F8: variants seen among roughly 807,000 people sequenced by gnomAD.
The protein encoded by F8 is antihemophilic factor.
Under a neutral mutation model 140.6 loss-of-function variants are expected in F8, and 12 were observed. That is an observed-to-expected ratio of 0.09 (90% confidence interval 0.05 to 0.14). F8 has a LOEUF of 0.14. F8 is among the 10% of genes least tolerant of loss of function. F8 has a pLI of 1.00. For synonymous variants in F8, 585 were observed against 614.6 expected (o/e 0.95, Z 0.71); for missense variants, 1,354 against 1,720.7 (o/e 0.79, Z 3.77).
At position 154,929,418 on chromosome X, in the gene F8, T is replaced by C; in HGVS notation, c.4372A>G (p.Lys1458Glu). 1 of 1,211,605 alleles carries C rather than the reference T, an allele frequency of 8.3e-7. No individual in the cohort carries two copies. The highest frequency in any genetic ancestry group is 1.1e-6 in the Non-Finnish European group (1 of 895,313). ...QESSHFLQGA[K>E]KNNLSLAILT... is the part of the protein sequence containing the mutation. The stretch of plus-strand genomic sequence containing the variant: ...ATGGCTAAAGAAAGGTTATTTTTTT[T>C]GGCTCCTTGTAAGAAATGACTGCTT... Residue 1458 changes from lysine to glutamate, a missense_variant, in exon 14 of 26, where the codon AAA becomes GAA. By Grantham distance (56) the Lys-to-Glu change is moderately conservative. This residue lies in a region of F8 where 658 missense variants were observed against 666.5 expected (regional missense o/e 0.99). Coordinates refer to ENST00000360256, the MANE Select transcript of F8 (RefSeq NM_000132.4).
chrX:154,912,544 T>C (rs1423104326), intron 14 of F8, among the ~76,000 whole-genome samples: 2 of 112,425 alleles, frequency 1.8e-5, no homozygotes, highest in African/African-American at 6.5e-5. Context: ...TTCTCTGTTG[T>C]GTTCCACTGG....
At chrX:154,960,968 G>A (rs1328590606) in intron 10 of F8, 107 bp downstream of exon 10, 13 of 549,359 alleles carry the variant, frequency 2.4e-5, no homozygotes, top group Admixed American at 2.4e-4. Flanking sequence ...CTTGAGGTCC[G>A]GCCAACAGCT....
intron 22 of F8, among the ~76,000 whole-genome samples, chrX:154,869,576 G>A (rs1353127345): frequency 9.0e-6 from 1 of 111,592 alleles, no homozygotes; most frequent in Non-Finnish European, 1.9e-5. Flanking sequence ...AGCACTAAAT[G>A]CCCACAAGAG....
chrX:154,982,467 AT>A lies in F8; in HGVS notation c.787+2219del, dbSNP rs1557283825. ...TCTCAAAAAAAAAAAAAAAAAAAAT[AT>A]ATATATATATGTATACACACTTATA... On this transcript the variant is annotated intron_variant, in intron 6 of 25. Transcript: ENST00000360256. Among the ~76,000 whole-genome samples, 182 of 101,593 alleles carry A rather than the reference AT, an allele frequency of 1.8e-3. 2 individuals carry two copies. The highest frequency in any genetic ancestry group is 6.6e-3 in the African/African-American group (175 of 26,688). The allele number at this position is 101,593 out of a possible 115,157, so 88.2% of individuals were successfully genotyped here.
chrX:154,958,442 A>G (rs2073376375), intron 10 of F8, among the ~76,000 whole-genome samples: 1 of 111,753 alleles, frequency 8.9e-6, no homozygotes, highest in African/African-American at 3.3e-5. Context: ...TATGGGCATT[A>G]CAGCCTTCAA....
chrX:154,861,657 C>G, intron 24 of F8, 61 bp downstream of exon 24: 1 of 1,173,816 alleles, frequency 8.5e-7, no homozygotes, highest in Non-Finnish European at 1.2e-6. Context: ...CAAGGCCTTC[C>G]CCGATTTTTT....
Position 154,928,740 on chromosome X carries a change from C to T in F8, c.5050G>A (p.Asp1684Asn). ...LQSDQEEIDY[D>N]DTISVEMKKE... is the part of the protein sequence containing the mutation. ...TTCATTTCAACTGATATGGTATCAT[C>T]ATAGTCAATTTCCTCTTGATCTGAC... Residue 1684 changes from aspartate to asparagine, a missense_variant, in exon 14 of 26, where the codon GAT (aspartate) becomes AAT (asparagine). Transcript: ENST00000360256. 1 of 1,211,387 alleles carries T rather than the reference C, an allele frequency of 8.3e-7. No homozygotes were observed. The highest frequency in any genetic ancestry group is 1.1e-6 in the Non-Finnish European group (1 of 895,376).
intron 12 of F8, among the ~76,000 whole-genome samples, chrX:154,948,509 G>T (rs1485555113): frequency 4.4e-5 from 5 of 112,466 alleles, no homozygotes; most frequent in African/African-American, 1.6e-4. Context: ...AGTAACAGAA[G>T]TGTGTATATA....
Position 154,896,129 on chromosome X carries a change from A to G in F8, c.6377T>C (p.Leu2126Pro), listed in dbSNP as rs1382033441. The part of the protein sequence containing the change: ...YISQFIIMYS[L>P]DGKKWQTYRG... ...ATAAGTCTGCCACTTCTTCCCATCA[A>G]GACTATACATGATGATAAACTGAGA... The change falls in exon 22 of 26, where the codon CTT becomes CCT. Residue 2126 changes from leucine to proline, a missense_variant. By Grantham distance (98) the Leu-to-Pro change is moderately conservative. Coordinates refer to ENST00000360256, the MANE Select transcript of F8 (RefSeq NM_000132.4). The G allele has an allele frequency of 8.3e-7, 1 of 1,209,623 alleles. No individual in the cohort carries two copies. The highest frequency in any genetic ancestry group is 1.1e-6 in the Non-Finnish European group (1 of 893,691).
chrX:155,001,312 C>CT (rs35281198), intron 1 of F8, among the ~76,000 whole-genome samples: 1,945 of 75,905 alleles, frequency 0.026, 48 homozygotes, highest in East Asian at 0.06. Flanking sequence ...TATCGTAAAT[C>CT]TTTTTTTTTT....
intron 12 of F8, among the ~76,000 whole-genome samples, chrX:154,953,571 T>C (rs782573933): frequency 1.8e-5 from 2 of 111,741 alleles, no homozygotes; most frequent in Non-Finnish European, 3.8e-5. Flanking sequence ...TTATATATGA[T>C]TATATAATTA....
intron 25 of F8, among the ~76,000 whole-genome samples, chrX:154,847,278 CAAG>C (rs1460860592): frequency 1.8e-5 from 2 of 110,145 alleles, no homozygotes; most frequent in African/African-American, 6.6e-5. Flanking sequence ...TTGCTCTTCT[CAAG>C]GAGTATCTTT....
At chrX:154,919,609 T>C (rs1369191505) in intron 14 of F8, 3 of 782,861 alleles carry the variant, frequency 3.8e-6, no homozygotes, top group Non-Finnish European at 5.5e-6. Flanking sequence ...CTTGGTGGCA[T>C]TGTTCTTCAT....
At chrX:154,855,268 T>C (rs1299314579) in intron 25 of F8, among the ~76,000 whole-genome samples, 2 of 111,862 alleles carry the variant, frequency 1.8e-5, no homozygotes, top group African/African-American at 6.5e-5. Flanking sequence ...TTGCTCCTAA[T>C]GTTGCTGGAA....
chrX:154,993,544 AC>A (rs1212857940), intron 3 of F8, among the ~76,000 whole-genome samples: 1 of 111,529 alleles, frequency 9.0e-6, no homozygotes, highest in Non-Finnish European at 1.9e-5. Context: ...GAACCACCAC[AC>A]CCGGCCTACT....
At chrX:154,910,873 T>C (rs782314050) in intron 14 of F8, among the ~76,000 whole-genome samples, 5 of 110,280 alleles carry the variant, frequency 4.5e-5, no homozygotes, top group Non-Finnish European at 9.5e-5. Context: ...TAAAACCCGA[T>C]TGTATGTTCT....
chrX:154,909,018 G>A, intron 14 of F8: 1 of 217,153 alleles, frequency 4.6e-6, no homozygotes, highest in South Asian at 6.6e-5. Context: ...GGTTCAGGAA[G>A]CCAGCTGCTT....
chrX:154,982,461 A>C (rs1374690118), intron 6 of F8, among the ~76,000 whole-genome samples: 3 of 101,079 alleles, frequency 3.0e-5, no homozygotes, highest in Non-Finnish European at 5.8e-5. Context: ...AAAAAAAAAA[A>C]AAAATATATA....
At chrX:154,913,351 CAT>C (rs1314033883) in intron 14 of F8, among the ~76,000 whole-genome samples, 3 of 111,088 alleles carry the variant, frequency 2.7e-5, no homozygotes, top group Non-Finnish European at 3.8e-5. Context: ...AGAGCCAAAC[CAT>C]ATGTTTCCAC....
Sources: gnomAD v4.1 joint callset for allele counts (sites outside exome capture counted in the v4.1 genomes callset) on GRCh38, gnomAD v4.1.1 for gene constraint, gnomAD v4.1.1 regional missense constraint, MANE v1.5 for transcripts, NCBI Gene and HGNC (gene_info 2026-07-23, HGNC 2026-07-21) for gene names.